Variants in TRIT1 observed in about 807,000 individuals in gnomAD.
TRIT1 encodes tRNA dimethylallyltransferase.
TRIT1 carries 43 observed loss-of-function variants against 51.2 expected under a neutral mutation model. The ratio of observed to expected loss-of-function variants is 0.84; its 90% CI spans 0.66 to 1.08. The LOEUF (loss-of-function observed/expected upper bound fraction) is 1.08, where lower values mean the gene tolerates loss of function less well. TRIT1 is among the 50% of genes least tolerant of loss of function. TRIT1 has a pLI of 0.00. For synonymous variants in TRIT1, 184 were observed against 203.9 expected, an observed-to-expected ratio of 0.90 and a Z score of 0.83; for missense variants, 528 against 578.4, an observed-to-expected ratio of 0.91 and a Z score of 0.89.
At chr1:39,875,606 C>T (rs891083941) in intron 1 of TRIT1, among the ~76,000 whole-genome samples, 2 of 152,134 alleles carry the variant, frequency 1.3e-5, no homozygotes, top group Admixed American at 6.5e-5. Flanking sequence ...TTACCTCCTA[C>T]CACTGTCCCT....
At position 39,850,501 on chromosome 1, in the gene TRIT1, G is replaced by A. The variant is rs899146550; in HGVS notation, c.561-240C>T. ...CAACAGACCCTGTCTCTTCAAAAAGGGGGCATGCAGAAAGGCTTATTCTCA... is the reference window on the plus strand; with the variant it reads ...CAACAGACCCTGTCTCTTCAAAAAGAGGGCATGCAGAAAGGCTTATTCTCA... On this transcript the variant is annotated intron_variant, in intron 4 of 10. Coordinates refer to ENST00000316891, the MANE Select transcript of TRIT1 (RefSeq NM_017646.6). 1.2e-4 allele frequency among the ~76,000 whole-genome samples: 19 copies of A among 152,060 alleles called. 1 individual carries two copies. The highest frequency in any genetic ancestry group is 4.6e-4 in the African/African-American group (19 of 41,410).
intron 1 of TRIT1, among the ~76,000 whole-genome samples, chr1:39,873,915 T>TG (rs1643960528): frequency 6.6e-6 from 1 of 151,976 alleles, no homozygotes; most frequent in African/African-American, 2.4e-5. Flanking sequence ...CCCAGGAGGC[T>TG]GGGGCAGGAG....
intron 1 of TRIT1, among the ~76,000 whole-genome samples, chr1:39,869,096 TCCC>T (rs1467868055): frequency 7.7e-6 from 1 of 129,320 alleles, no homozygotes; most frequent in African/African-American, 2.9e-5. Flanking sequence ...CCCCTCCCCC[TCCC>T]TCTCCCCATG....
Position 39,841,797 on chromosome 1 carries a change from T to C in TRIT1, c.1351A>G (p.Lys451Glu), listed in dbSNP as rs1328337497. The change falls in exon 11 of 11, where the codon AAA (lysine) becomes GAA (glutamate). Residue 451 changes from lysine (K) to glutamate (E), a missense_variant. Lys to Glu is a moderately conservative substitution (Grantham distance 56, BLOSUM62 1). Coordinates refer to ENST00000316891, the MANE Select transcript of TRIT1 (RefSeq NM_017646.6). ...SVSPDHNKEP[K>E]EKGSPGQNDQ... ...TTCTGCCCTGGGGATCCCTTCTCTT[T>C]AGGTTCTTTGTTATGGTCTGGGGAA... The C allele has an allele frequency of 1.9e-6, 3 of 1,614,100 alleles. No individual in the cohort carries two copies. Among genetic ancestry groups the C allele is most frequent in the South Asian group, 1.1e-5 (1 of 91,072 alleles).
chr1:39,840,294 A>G lies in TRIT1; in HGVS notation c.*1450T>C, dbSNP rs138991105. Among the ~76,000 whole-genome samples, 75 of 152,348 alleles carry G rather than the reference A, an allele frequency of 4.9e-4. No homozygotes were observed. The highest frequency in any genetic ancestry group is 1.7e-3 in the African/African-American group (71 of 41,576). On this transcript the variant is annotated 3_prime_UTR_variant, in exon 11 of 11. Transcript: ENST00000316891. ...CAGTTAAAAGTGGGTGAGGCTCTGG[A>G]ATTCAGCACTGTTTAAAAAGGTCAA... is the stretch of plus-strand genomic sequence containing the variant.
chr1:39,857,288 C>T lies in TRIT1; in HGVS notation c.304G>A (p.Ala102Thr). 1 of 1,611,268 alleles carries T rather than the reference C, an allele frequency of 6.2e-7. No homozygotes were observed. Among genetic ancestry groups the T allele is most frequent in the Non-Finnish European group, 8.5e-7 (1 of 1,178,572 alleles). The change falls in exon 2 of 11, where the codon GCA (alanine) becomes ACA (threonine). Residue 102 changes from alanine to threonine, a missense_variant. Physicochemically the swap from Ala to Thr is moderately conservative, Grantham distance 58 (BLOSUM62 0). Around this residue, in one of 3 missense-constraint regions of TRIT1, gnomAD observed 468 missense variants for 522.6 expected, o/e 0.90. Coordinates refer to ENST00000316891, the MANE Select transcript of TRIT1 (RefSeq NM_017646.6). ...NYTVVDFRNR[A>T]TALIEDIFAR... is the part of the protein sequence containing the mutation. ...TTTCCTAAGGATATCAGAGCAGTTG[C>T]TCTATTTCTGAAGTCCACCACTGTG...
At chr1:39,854,113 C>A in intron 2 of TRIT1, 45 bp from the exon 3 acceptor site, 1 of 1,407,486 alleles carries the variant, frequency 7.1e-7, no homozygotes, top group South Asian at 1.2e-5. Flanking sequence ...AATCCTGACT[C>A]ACTTTGGAAG....
intron 1 of TRIT1, among the ~76,000 whole-genome samples, chr1:39,876,565 TATA>T (rs1644063625): frequency 6.6e-6 from 1 of 152,098 alleles, no homozygotes; most frequent in African/African-American, 2.4e-5. Context: ...TCTATATATA[TATA>T]TGAATGATGA....
At chr1:39,844,284 G>A in intron 9 of TRIT1, 66 bp from the exon 10 acceptor site, 1 of 1,357,960 alleles carries the variant, frequency 7.4e-7, no homozygotes, top group Non-Finnish European at 1.0e-6. Context: ...CTCTATTAAG[G>A]GAAATGGGAT....
chr1:39,880,040 T>C (rs1277655304), intron 1 of TRIT1, among the ~76,000 whole-genome samples: 3 of 151,582 alleles, frequency 2.0e-5, no homozygotes, highest in Non-Finnish European at 4.4e-5. Context: ...CTGGGCCTGG[T>C]GGCATGTGCC....
At chr1:39,852,627 A>T in intron 4 of TRIT1, 104 bp downstream of exon 4, 4 of 1,410,864 alleles carry the variant, frequency 2.8e-6, no homozygotes, top group Non-Finnish European at 3.9e-6. Flanking sequence ...ATCAATCTCC[A>T]CTAACTGCTA....
At chr1:39,868,581 T>G (rs61779848) in intron 1 of TRIT1, among the ~76,000 whole-genome samples, 9,591 of 149,270 alleles carry the variant, frequency 0.064, 755 homozygotes, top group African/African-American at 0.18. Flanking sequence ...GAGGTGGAGG[T>G]TGCAGTGAGC....
intron 8 of TRIT1, 86 bp downstream of exon 8, chr1:39,847,134 T>C (rs1642271438): frequency 9.1e-7 from 1 of 1,099,152 alleles, no homozygotes; most frequent in Non-Finnish European, 1.4e-6. Context: ...AGGCCCAGAA[T>C]CTAAAATTCA....
At chr1:39,877,328 T>TAA (rs57539376) in intron 1 of TRIT1, among the ~76,000 whole-genome samples, 47 of 113,066 alleles carry the variant, frequency 4.2e-4, no homozygotes, top group Admixed American at 5.7e-4. Context: ...GTGCTTCTAT[T>TAA]AAAAAAAAAA....
Position 39,844,624 on chromosome 1 carries a change from G to A in TRIT1, c.1023C>T (p.Val341=), listed in dbSNP as rs774397936. ...ATACCTCTAAGCCATAGACAGGGGG[G>A]ACAATGGGACCAGGTCCTAATGATG... The part of the protein sequence containing the change: ...NRFLSRPGPI[V]PPVYGLEVSD... Residue 341 remains valine (V), a synonymous_variant, in exon 9 of 11, where the codon GTC becomes GTT. Coordinates refer to ENST00000316891, the MANE Select transcript of TRIT1 (RefSeq NM_017646.6). 71 of 1,613,114 alleles carry A rather than the reference G, an allele frequency of 4.4e-5. No individual in the cohort carries two copies. The South Asian group carries it at 6.0e-4, about 14-fold the overall frequency.
chr1:39,846,412 T>C (rs987284001), intron 8 of TRIT1, among the ~76,000 whole-genome samples: 12 of 152,246 alleles, frequency 7.9e-5, no homozygotes, highest in African/African-American at 2.9e-4. Flanking sequence ...GTTTCACTTA[T>C]GCTTAAATTA....
In TRIT1 at chr1:39,883,390, G is replaced by T. The variant is rs745453248; in HGVS notation, c.102C>A (p.Thr34=). The T allele has an allele frequency of 1.7e-5, 28 of 1,613,482 alleles. No homozygotes were observed. The highest frequency in any genetic ancestry group is 6.7e-5 in the Admixed American group (4 of 59,942). ...GCTGCAACGCCAGCGTGGATTTGCC[G>T]GTGCCCGTGGCCCCGAGAATCACTA... is the stretch of plus-strand genomic sequence containing the variant. The part of the protein sequence containing the change: ...PLVVILGATG[T]GKSTLALQLG... Residue 34 remains threonine (T), a synonymous_variant, in exon 1 of 11, where the codon ACC becomes ACA. Transcript: ENST00000316891.
intron 10 of TRIT1, among the ~76,000 whole-genome samples, chr1:39,843,570 A>T (rs1480358483): frequency 1.3e-5 from 2 of 152,084 alleles, no homozygotes; most frequent in Non-Finnish European, 2.9e-5. Context: ...GTTTCTCTTA[A>T]CTTCTTTTTA....
chr1:39,879,483 T>A (rs1644173960), intron 1 of TRIT1, among the ~76,000 whole-genome samples: 1 of 148,266 alleles, frequency 6.7e-6, no homozygotes, highest in Non-Finnish European at 1.5e-5. Flanking sequence ...GTGAGGATTT[T>A]AAATATATAT....
Sources: gnomAD v4.1 joint callset for allele counts (sites outside exome capture counted in the v4.1 genomes callset) on GRCh38, gnomAD v4.1.1 for gene constraint, gnomAD v4.1.1 regional missense constraint, MANE v1.5 for transcripts, NCBI Gene and HGNC (gene_info 2026-07-23, HGNC 2026-07-21) for gene names.